Variants in CLPSL1 observed in about 807,000 individuals in gnomAD.
CLPSL1 encodes colipase-like protein 1.
Under a neutral mutation model 9.3 loss-of-function variants are expected in CLPSL1, and 13 were observed. That is an observed-to-expected ratio of 1.40 (90% CI 0.91 to 2.22). The LOEUF (loss-of-function observed/expected upper bound fraction) is 2.22. CLPSL1 is among the 30% of genes most tolerant of loss of function. CLPSL1 has a pLI of 0.00. For synonymous variants in CLPSL1, 58 were observed against 56.9 expected (o/e 1.02, Z -0.08); for missense variants, 164 against 146.6 (o/e 1.12, Z -0.61).
At chr6:35,782,176 G>A (rs566459346) in intron 1 of CLPSL1, among the ~76,000 whole-genome samples, 9 of 152,312 alleles carry the variant, frequency 5.9e-5, no homozygotes, top group Non-Finnish European at 7.3e-5. Context: ...TGGGAGAAGA[G>A]CATTCAAGGT....
chr6:35,784,048 CT>C lies in CLPSL1; in HGVS notation c.99+2848del, dbSNP rs1025666113. Among the ~76,000 whole-genome samples the C allele has an allele frequency of 1.1e-3, 166 of 150,554 alleles. 1 individual carries two copies. Among genetic ancestry groups the C allele is most frequent in the Middle Eastern group, 3.4e-3 (1 of 292 alleles). On this transcript the variant is annotated intron_variant, in intron 1 of 2. Coordinates refer to ENST00000373861, the MANE Select transcript of CLPSL1 (RefSeq NM_001010886.5). Reference sequence around the variant, plus strand: ...CCTCAGGTGGCTGGGGTGCACCTTGCTTTTTTTTTGTTTTTTGTTTTTTGGG... The same window carrying C: ...CCTCAGGTGGCTGGGGTGCACCTTGCTTTTTTTTGTTTTTTGTTTTTTGGG...
At chr6:35,786,743 G>A (rs1157902853) in intron 1 of CLPSL1, among the ~76,000 whole-genome samples, 1 of 89,236 alleles carries the variant, frequency 1.1e-5, no homozygotes. Context: ...GACCACTCTG[G>A]TGTGTATGAG....
Position 35,781,038 on chromosome 6 carries a change from G to A in CLPSL1, c.-73G>A. On this transcript the variant is annotated 5_prime_UTR_variant, in exon 1 of 3. Transcript: ENST00000373861. ...GGTTTTACATGGTGTTCCCACAGCT[G>A]GGAGGACACCCACATGGTCGGCGTG... 6.3e-7 allele frequency: 1 copy of A among 1,588,526 alleles called. No individual in the cohort carries two copies. The highest frequency in any genetic ancestry group is 8.6e-7 in the Non-Finnish European group (1 of 1,167,010).
At chr6:35,784,175 G>T (rs1768025556) in intron 1 of CLPSL1, among the ~76,000 whole-genome samples, 1 of 152,268 alleles carries the variant, frequency 6.6e-6, no homozygotes, top group East Asian at 1.9e-4. Flanking sequence ...AACTTGAAGT[G>T]GGGGGCATGA....
chr6:35,787,187 A>AT, intron 2 of CLPSL1, 67 bp downstream of exon 2: 2 of 1,557,074 alleles, frequency 1.3e-6, no homozygotes, highest in Non-Finnish European at 1.8e-6. Flanking sequence ...GCGGGCCCAG[A>AT]TTCCTGGGGA....
chr6:35,787,788 T>A, intron 2 of CLPSL1, 79 bp from the exon 3 acceptor site: 1 of 1,402,438 alleles, frequency 7.1e-7, no homozygotes, highest in Non-Finnish European at 1.0e-6. Flanking sequence ...ACATGGGCCC[T>A]GGAGCTGGGC....
At position 35,787,884 on chromosome 6, in the gene CLPSL1, T is replaced by C. The variant is rs2151062032; in HGVS notation, c.240T>C (p.Tyr80=). The C allele has an allele frequency of 1.2e-6, 2 of 1,608,366 alleles. No homozygotes were observed. Among genetic ancestry groups the C allele is most frequent in the Non-Finnish European group, 1.7e-6 (2 of 1,175,044 alleles). The change falls in exon 3 of 3, where the codon TAT becomes TAC. Residue 80 remains tyrosine (Y), a synonymous_variant. Transcript: ENST00000373861. ...TTTCCCAGGTGTTCTTTGGCCAATA[T>C]AGAGCGTGTCCCTGCCTGCGGAACC... The part of the protein sequence containing the change: ...LCQTQVFFGQ[Y]RACPCLRNLT...
chr6:35,786,851 C>T, intron 1 of CLPSL1, 147 bp from the exon 2 acceptor site: 1 of 1,050,846 alleles, frequency 9.5e-7, no homozygotes, highest in Non-Finnish European at 1.4e-6. Flanking sequence ...CCGGCCCCCA[C>T]GTAGAGACCA....
downstream of CLPSL1, among the ~76,000 whole-genome samples, chr6:35,790,467 T>C (rs1278317084): frequency 6.6e-6 from 1 of 152,262 alleles, no homozygotes; most frequent in Non-Finnish European, 1.5e-5. Flanking sequence ...GGCCTGAGAA[T>C]TAAACCGATA....
At chr6:35,787,251 G>A in intron 2 of CLPSL1, 131 bp downstream of exon 2, 2 of 1,139,374 alleles carry the variant, frequency 1.8e-6, no homozygotes, top group Non-Finnish European at 2.5e-6. Context: ...TCCCCCGTGG[G>A]ACTGCACCTC....
At position 35,782,336 on chromosome 6, in the gene CLPSL1, A is replaced by T. The variant is rs1376565537; in HGVS notation, c.99+1127A>T. ...GTTACAATATTCTCATTTATTCAAC[A>T]GTTATGCATTCAGCACCTGCAATGT... On this transcript the variant is annotated intron_variant, in intron 1 of 2. Coordinates refer to ENST00000373861, the MANE Select transcript of CLPSL1 (RefSeq NM_001010886.5). 2.6e-5 allele frequency among the ~76,000 whole-genome samples: 4 copies of T among 152,228 alleles called. No homozygotes were observed. The East Asian group carries it at 7.7e-4, about 29-fold the overall frequency.
At chr6:35,781,249 GTCC>G (rs758074908) in intron 1 of CLPSL1, 40 bp downstream of exon 1, 1 of 1,606,498 alleles carries the variant, frequency 6.2e-7, no homozygotes, top group East Asian at 2.2e-5. Context: ...CCCCTCCACT[GTCC>G]TAAGGCCTGT....
chr6:35,786,943 G>A lies in CLPSL1; in HGVS notation c.100-55G>A, dbSNP rs1173054689. 9 of 1,541,360 alleles carry A rather than the reference G, an allele frequency of 5.8e-6. No homozygotes were observed. In the South Asian group the frequency reaches 8.3e-5, roughly 14 times the overall value. On this transcript the variant is annotated intron_variant, in intron 1 of 2. Coordinates refer to ENST00000373861, the MANE Select transcript of CLPSL1 (RefSeq NM_001010886.5). ...GTAGGGAGAAAGCCCCAGGCGGGGC[G>A]GCGAGGGCGGAAGGCGGGCGGTGGA... is the stretch of plus-strand genomic sequence containing the variant.
rs76392699 is a variant in CLPSL1 at position 35,781,598 on chromosome 6, T to C, written c.99+389T>C. On this transcript the variant is annotated intron_variant, in intron 1 of 2. Coordinates refer to ENST00000373861, the MANE Select transcript of CLPSL1 (RefSeq NM_001010886.5). ...TGCCCTTGTAGAGCTGTCACTCTAG[T>C]GTGTGAGGCAAAGAAGTAAAACATT... Among the ~76,000 whole-genome samples the C allele has an allele frequency of 7.0e-4, 107 of 152,100 alleles. 1 individual carries two copies. In the East Asian group the frequency reaches 0.02, roughly 28 times the overall value.
At chr6:35,781,273 G>T in intron 1 of CLPSL1, 64 bp downstream of exon 1, 1 of 1,579,132 alleles carries the variant, frequency 6.3e-7, no homozygotes, top group Non-Finnish European at 8.6e-7. Flanking sequence ...ACTATTTGGG[G>T]AGGTGAGCGG....
At chr6:35,793,425 C>CAAAAAAAAAAAAA in intron 1 of CLPSL1, 1 of 406,892 alleles carries the variant, frequency 2.5e-6, no homozygotes, top group Non-Finnish European at 4.8e-6. Context: ...AACTCTGTCT[C>CAAAAAAAAAAAAA]AAAAAAAAAA....
chr6:35,791,044 CAA>C (rs61127901), downstream of CLPSL1, among the ~76,000 whole-genome samples: 13 of 114,770 alleles, frequency 1.1e-4, no homozygotes, highest in Admixed American at 2.8e-4. Context: ...GACTCTGTCT[CAA>C]AAAAAAAAAA....
downstream of CLPSL1, among the ~76,000 whole-genome samples, chr6:35,793,135 G>A (rs943977401): frequency 6.6e-6 from 1 of 152,260 alleles, no homozygotes; most frequent in Non-Finnish European, 1.5e-5. Flanking sequence ...GATAAGAAGA[G>A]GGTATGGTCC....
At position 35,786,882 on chromosome 6, in the gene CLPSL1, A is replaced by G. The variant is rs1768084465; in HGVS notation, c.100-116A>G. 3.0e-6 allele frequency: 4 copies of G among 1,314,778 alleles called. No individual in the cohort carries two copies. The Admixed American group carries it at 8.2e-5, about 27-fold the overall frequency. 81.4% of individuals were successfully genotyped at this position (1,314,778 alleles called of 1,614,324 possible). On this transcript the variant is annotated intron_variant, in intron 1 of 2. Transcript: ENST00000373861. ...GACCACCCTGCCTGGCAGGAGCCAG[A>G]GGTGATGGTGGGAGCAGAGTCTGGG...
Sources: allele counts gnomAD v4.1 joint callset (sites outside exome capture counted in the v4.1 genomes callset), GRCh38; gene constraint gnomAD v4.1.1; transcripts MANE v1.5; gene names NCBI Gene and HGNC (gene_info 2026-07-23, HGNC 2026-07-21).